RBM19: variants seen among roughly 807,000 people sequenced by gnomAD.
RBM19 encodes the protein probable RNA-binding protein 19.
A neutral mutation model predicts 116.8 loss-of-function variants in RBM19; 94 were observed. The ratio of observed to expected loss-of-function variants is 0.80; its 90% CI spans 0.68 to 0.95. The LOEUF is 0.95. Ranked by LOEUF, RBM19 falls within the 40% of genes least tolerant of loss-of-function variation. RBM19 has a pLI of 0.00. For missense variants in RBM19, 1,161 were observed against 1,220.7 expected (o/e 0.95, Z 0.73); for synonymous variants, 475 against 494.1 (o/e 0.96, Z 0.51).
At chr12:113,917,879 A>G (rs753680201) in intron 20 of RBM19, among the ~76,000 whole-genome samples, 1 of 152,236 alleles carries the variant, frequency 6.6e-6, no homozygotes, top group Non-Finnish European at 1.5e-5. Context: ...CTACTTCAGT[A>G]TACTGGTCAT....
At chr12:113,866,179 C>T (rs1030081979) in intron 21 of RBM19, among the ~76,000 whole-genome samples, 1 of 152,182 alleles carries the variant, frequency 6.6e-6, no homozygotes, top group Non-Finnish European at 1.5e-5. Flanking sequence ...GCCTTTTAGA[C>T]TGAACTTCTC....
intron 17 of RBM19, among the ~76,000 whole-genome samples, chr12:113,925,089 C>A (rs1279129242): frequency 2.0e-5 from 3 of 152,142 alleles, no homozygotes; most frequent in South Asian, 2.1e-4. Flanking sequence ...TCTCTCACTG[C>A]CCCCTGCACC....
At chr12:113,932,829 G>C (rs1328300172) in intron 16 of RBM19, 1 of 152,272 alleles carries the variant, frequency 6.6e-6, no homozygotes, top group Non-Finnish European at 1.5e-5. Context: ...CTGGGGGCGG[G>C]GGAGTTGGGG....
chr12:113,965,345 G>GAA (rs1555248805), intron 1 of RBM19, among the ~76,000 whole-genome samples: 1 of 131,656 alleles, frequency 7.6e-6, no homozygotes, highest in African/African-American at 2.7e-5. Context: ...GAAAGAGAGA[G>GAA]AAAAAAAAGA....
Position 113,924,769 on chromosome 12 carries a change from A to G in RBM19, c.2245-12T>C, listed in dbSNP as rs750150394. The G allele has an allele frequency of 3.9e-6, 6 of 1,533,666 alleles. No individual in the cohort carries two copies. In the African/African-American group the frequency reaches 8.2e-5, roughly 21 times the overall value. ...ACTTTTGAAAACACCTGGATAAGAAAGTAACAAGTATCATCAGCAGCTCTA... is the reference window on the plus strand; with the variant it reads ...ACTTTTGAAAACACCTGGATAAGAAGGTAACAAGTATCATCAGCAGCTCTA... On this transcript the variant is annotated splice_polypyrimidine_tract_variant and intron_variant, in intron 17 of 23. Transcript: ENST00000261741.
chr12:113,937,616 AGG>A (rs1870189195), intron 15 of RBM19, among the ~76,000 whole-genome samples: 1 of 152,116 alleles, frequency 6.6e-6, no homozygotes, highest in Non-Finnish European at 1.5e-5. Context: ...TTTTTTTAAA[AGG>A]ATAGCTGGGC....
intron 16 of RBM19, among the ~76,000 whole-genome samples, chr12:113,936,165 A>T (rs901321295): frequency 2.0e-5 from 3 of 151,740 alleles, no homozygotes; most frequent in Non-Finnish European, 4.4e-5. Context: ...ACTTATTATT[A>T]TTTTTTTTAA....
At chr12:113,901,190 G>T (rs1881661862) in intron 21 of RBM19, among the ~76,000 whole-genome samples, 1 of 152,122 alleles carries the variant, frequency 6.6e-6, no homozygotes, top group African/African-American at 2.4e-5. Flanking sequence ...GTACTTACTA[G>T]GTCAGCCTTT....
At chr12:113,924,436 CCT>C (rs1323370913) in intron 18 of RBM19, among the ~76,000 whole-genome samples, 1 of 152,176 alleles carries the variant, frequency 6.6e-6, no homozygotes, top group Non-Finnish European at 1.5e-5. Context: ...TGAAACCACC[CCT>C]GACAGTTTGA....
At chr12:113,823,753 C>T (rs1328193522) in intron 23 of RBM19, among the ~76,000 whole-genome samples, 1 of 152,186 alleles carries the variant, frequency 6.6e-6, no homozygotes, top group Admixed American at 6.5e-5. Flanking sequence ...TGCTTCCTCA[C>T]AGCAGGTCAG....
intron 21 of RBM19, among the ~76,000 whole-genome samples, chr12:113,895,688 A>C (rs564276612): frequency 1.1e-4 from 17 of 152,306 alleles, no homozygotes; most frequent in Non-Finnish European, 2.2e-4. Flanking sequence ...AGGGTGGCAC[A>C]AGACTTGGGT....
chr12:113,900,541 G>A (rs777229888), intron 21 of RBM19, among the ~76,000 whole-genome samples: 66 of 152,168 alleles, frequency 4.3e-4, no homozygotes, highest in Non-Finnish European at 4.9e-4. Flanking sequence ...TTCAACAAAT[G>A]AGGCCCCGAG....
At chr12:113,858,244 A>G (rs1383949380) in intron 22 of RBM19, among the ~76,000 whole-genome samples, 4 of 152,240 alleles carry the variant, frequency 2.6e-5, no homozygotes, top group African/African-American at 9.6e-5. Context: ...AAAGGTTCTC[A>G]AGGAGCCTGG....
Position 113,839,118 on chromosome 12 carries a change from C to T in RBM19, c.2785+5550G>A, listed in dbSNP as rs561535228. Among the ~76,000 whole-genome samples, 14 of 152,324 alleles carry T rather than the reference C, an allele frequency of 9.2e-5. 1 individual carries two copies. Among genetic ancestry groups the T allele is most frequent in the Admixed American group, 3.3e-4 (5 of 15,306 alleles). ...GTGCCTTCCTGGCAGAGTTCAGGGC[C>T]GAGGCCAGAGCCAGGGGAGGGAACT... On this transcript the variant is annotated intron_variant, in intron 23 of 23. Coordinates refer to ENST00000261741, the MANE Select transcript of RBM19 (RefSeq NM_016196.4).
intron 22 of RBM19, among the ~76,000 whole-genome samples, chr12:113,847,708 G>C (rs1367044996): frequency 6.6e-6 from 1 of 152,170 alleles, no homozygotes; most frequent in Non-Finnish European, 1.5e-5. Context: ...GTAGGTCCGG[G>C]TGAGAGGCCC....
intron 13 of RBM19, among the ~76,000 whole-genome samples, chr12:113,943,358 T>A (rs541531148): frequency 6.6e-6 from 1 of 152,078 alleles, no homozygotes; most frequent in Non-Finnish European, 1.5e-5. Flanking sequence ...GGGTCTAGAA[T>A]TGTGCCATCC....
At chr12:113,861,395 C>T (rs1216692559) in intron 21 of RBM19, among the ~76,000 whole-genome samples, 2 of 152,042 alleles carry the variant, frequency 1.3e-5, no homozygotes, top group Non-Finnish European at 1.5e-5. Context: ...AAACCCTCTA[C>T]TTCTGCCCAC....
chr12:113,912,063 G>A (rs1738395704), intron 21 of RBM19, among the ~76,000 whole-genome samples: 2 of 152,192 alleles, frequency 1.3e-5, no homozygotes, highest in South Asian at 2.1e-4. Flanking sequence ...TGCCTGTCTG[G>A]TTTAACCCAA....
intron 23 of RBM19, among the ~76,000 whole-genome samples, chr12:113,842,295 A>AT (rs1296689175): frequency 6.8e-6 from 1 of 146,440 alleles, no homozygotes; most frequent in Admixed American, 6.8e-5. Flanking sequence ...GGGTTGGGGG[A>AT]TGGGGGTGGC....
Sources: gnomAD v4.1 joint callset for allele counts (sites outside exome capture counted in the v4.1 genomes callset) on GRCh38, gnomAD v4.1.1 for gene constraint, MANE v1.5 for transcripts, NCBI Gene and HGNC (gene_info 2026-07-23, HGNC 2026-07-21) for gene names.